Variants in SCHIP1 observed in about 807,000 individuals in gnomAD.
SCHIP1 encodes schwannomin interacting protein 1, also known as schwannomin-interacting protein 1.
A neutral mutation model predicts 29.7 loss-of-function variants in SCHIP1; 8 were observed. That is an observed-to-expected ratio of 0.27 (90% CI 0.16 to 0.49). The LOEUF (loss-of-function observed/expected upper bound fraction) is 0.49. Among genes scored for constraint, SCHIP1 ranks in the 20% least tolerant of loss-of-function variants. The pLI, the probability that SCHIP1 is intolerant of heterozygous loss-of-function variation, is 0.99. For synonymous variants in SCHIP1, 76 were observed against 94.9 expected, an observed-to-expected ratio of 0.80 and a Z score of 1.16; for missense variants, 193 against 294.6, an observed-to-expected ratio of 0.66 and a Z score of 2.52.
the SCHIP1 span, among the ~76,000 whole-genome samples, chr3:159,458,820 G>A: frequency 8.3e-4 from 126 of 152,176 alleles, no homozygotes; most frequent in African/African-American, 2.9e-3. Context: ...AAAACTAAAA[G>A]TATTCTTTTA....
chr3:159,420,736 C>T, the SCHIP1 span, among the ~76,000 whole-genome samples: 2 of 152,122 alleles, frequency 1.3e-5, no homozygotes, highest in Non-Finnish European at 2.9e-5. Context: ...TGGCAGATGT[C>T]TTTTAAATGT....
chr3:159,610,786 GT>G, the SCHIP1 span, among the ~76,000 whole-genome samples: 1 of 152,050 alleles, frequency 6.6e-6, no homozygotes, highest in Non-Finnish European at 1.5e-5. Context: ...TGGTTTAATT[GT>G]GCTGTAACAT....
chr3:159,383,283 T>A, the SCHIP1 span, among the ~76,000 whole-genome samples: 162 of 151,958 alleles, frequency 1.1e-3, 2 homozygotes, highest in South Asian at 0.022. Context: ...TTAATTTTTG[T>A]ATAAGATGTA....
the SCHIP1 span, among the ~76,000 whole-genome samples, chr3:159,457,230 C>T: frequency 3.3e-5 from 5 of 152,130 alleles, no homozygotes; most frequent in Admixed American, 1.3e-4. Flanking sequence ...AGAATAATAG[C>T]TCATCTAATT....
the SCHIP1 span, among the ~76,000 whole-genome samples, chr3:159,299,777 A>G: frequency 1.3e-5 from 2 of 152,138 alleles, no homozygotes; most frequent in African/African-American, 4.8e-5. Context: ...ACAAATGGCC[A>G]TGGGCTTGTT....
chr3:159,825,150 A>G, the SCHIP1 span, among the ~76,000 whole-genome samples: 3 of 152,236 alleles, frequency 2.0e-5, no homozygotes, highest in Non-Finnish European at 4.4e-5. Context: ...TATTTCTGGA[A>G]CTAAAGATTT....
chr3:159,518,766 T>A, the SCHIP1 span, among the ~76,000 whole-genome samples: 2 of 152,274 alleles, frequency 1.3e-5, no homozygotes, highest in East Asian at 3.9e-4. Flanking sequence ...ACTTTAGGCA[T>A]CTTTCCATAT....
At chr3:159,680,325 A>G in the SCHIP1 span, among the ~76,000 whole-genome samples, 230 of 151,220 alleles carry the variant, frequency 1.5e-3, no homozygotes, top group Non-Finnish European at 2.8e-3. Flanking sequence ...CCTGGACAAC[A>G]TGGTGAAACC....
the SCHIP1 span, among the ~76,000 whole-genome samples, chr3:159,426,436 G>A: frequency 6.6e-6 from 1 of 152,180 alleles, no homozygotes; most frequent in East Asian, 1.9e-4. Context: ...AAATCTAGAA[G>A]AAATGGATAC....
chr3:159,432,660 A>T, the SCHIP1 span, among the ~76,000 whole-genome samples: 1 of 152,128 alleles, frequency 6.6e-6, no homozygotes, highest in Non-Finnish European at 1.5e-5. Context: ...ATGATCTGAG[A>T]TTCATTAGGT....
At chr3:159,457,046 T>G in the SCHIP1 span, among the ~76,000 whole-genome samples, 2 of 152,106 alleles carry the variant, frequency 1.3e-5, no homozygotes, top group Non-Finnish European at 2.9e-5. Context: ...ACTATAAGAA[T>G]TTTTTTCTCA....
intron 1 of SCHIP1, among the ~76,000 whole-genome samples, chr3:159,862,847 T>C (rs1236205121): frequency 6.6e-6 from 1 of 152,184 alleles, no homozygotes; most frequent in Admixed American, 6.5e-5. Context: ...AAATGTTCAG[T>C]GTTAGCCAGG....
the SCHIP1 span, among the ~76,000 whole-genome samples, chr3:159,607,192 A>G: frequency 6.6e-6 from 1 of 152,204 alleles, no homozygotes; most frequent in East Asian, 1.9e-4. Context: ...CTATATACAC[A>G]TACACTTTGC....
chr3:159,826,738 C>G, the SCHIP1 span, among the ~76,000 whole-genome samples: 2 of 152,256 alleles, frequency 1.3e-5, no homozygotes, highest in African/African-American at 4.8e-5. Context: ...CTATCTTGAC[C>G]TTCTTAGTAA....
chr3:159,782,146 C>T, the SCHIP1 span, among the ~76,000 whole-genome samples: 3 of 152,206 alleles, frequency 2.0e-5, no homozygotes, highest in Non-Finnish European at 4.4e-5. Flanking sequence ...GAGACTCTCA[C>T]TGAAAGACCA....
At chr3:159,598,622 C>T in the SCHIP1 span, among the ~76,000 whole-genome samples, 1 of 152,202 alleles carries the variant, frequency 6.6e-6, no homozygotes, top group Non-Finnish European at 1.5e-5. Flanking sequence ...ACAGCCCCTG[C>T]ACCTGCCTTC....
chr3:159,764,469 A>T, the SCHIP1 span: 1 of 1,594,672 alleles, frequency 6.3e-7, no homozygotes, highest in Non-Finnish European at 8.5e-7. The surrounding 1 kb of genome is among the most constrained non-coding windows in gnomAD (Gnocchi z 6.1). Context: ...GGATGGATCT[A>T]GGCAGTGACG....
chr3:159,384,503 C>T, the SCHIP1 span, among the ~76,000 whole-genome samples: 100 of 139,116 alleles, frequency 7.2e-4, no homozygotes, highest in East Asian at 0.012. Context: ...CTGCTGGATT[C>T]GGTTTGCCAG....
the SCHIP1 span, among the ~76,000 whole-genome samples, chr3:159,704,389 G>T: frequency 2.1e-5 from 3 of 139,998 alleles, no homozygotes; most frequent in Non-Finnish European, 4.5e-5. Context: ...GAGCCAAGAT[G>T]GTGCCATTGC....
Sources: gnomAD v4.1 joint callset for allele counts (sites outside exome capture counted in the v4.1 genomes callset) on GRCh38, gnomAD v4.1.1 for gene constraint, Gnocchi (gnomAD v3.1) non-coding constraint, MANE v1.5 for transcripts, NCBI Gene and HGNC (gene_info 2026-07-23, HGNC 2026-07-21) for gene names.